EPSTI1: variants seen among roughly 807,000 people sequenced by gnomAD.
EPSTI1 encodes the protein epithelial stromal interaction 1.
Under a neutral mutation model 49.9 loss-of-function variants are expected in EPSTI1, and 66 were observed. The ratio of observed to expected loss-of-function variants is 1.32; its 90% confidence interval spans 1.08 to 1.62. EPSTI1 has a LOEUF of 1.62. Among genes scored for constraint, EPSTI1 ranks in the 40% most tolerant of loss-of-function variants. The pLI is 0.00. For missense variants in EPSTI1, 394 were observed against 365.5 expected (o/e 1.08, Z -0.64); for synonymous variants, 137 against 130.7 (o/e 1.05, Z -0.33).
chr13:42,969,102 C>G lies in EPSTI1; in HGVS notation c.323G>C (p.Arg108Thr). ...CGGCTGTGCTTGCTTACCTAGCCGTCTGGGCACCAGGTGAACCGGTTTAGC... is the reference window on the plus strand; with the variant it reads ...CGGCTGTGCTTGCTTACCTAGCCGTGTGGGCACCAGGTGAACCGGTTTAGC... ...NRAKPVHLVP[R>T]RLGGSQSETE... The change falls in exon 3 of 11, where the codon AGA (arginine) becomes ACA (threonine). Residue 108 changes from arginine to threonine, a missense_variant. By Grantham distance (71) the Arg-to-Thr change is moderately conservative (BLOSUM62 -1). Transcript: ENST00000313624. 1 of 1,614,176 alleles carries G rather than the reference C, an allele frequency of 6.2e-7. No homozygotes were observed. Among genetic ancestry groups the G allele is most frequent in the Non-Finnish European group, 8.5e-7 (1 of 1,180,046 alleles).
Position 42,887,681 on chromosome 13 carries a change from C to T in EPSTI1, c.*813G>A, listed in dbSNP as rs961856258. 3.3e-5 allele frequency: 5 copies of T among 152,196 alleles called. No individual in the cohort carries two copies. Among genetic ancestry groups the T allele is most frequent in the African/African-American group, 1.2e-4 (5 of 41,426 alleles). The allele number at this position is 152,196 out of a possible 1,614,324, so 9.4% of individuals were successfully genotyped here. On this transcript the variant is annotated 3_prime_UTR_variant, in exon 11 of 11. Coordinates refer to ENST00000313624, the MANE Select transcript of EPSTI1 (RefSeq NM_033255.5). ...GAAGTGAATAAGAAAGCCAACTGAA[C>T]TAGCAATAGGAAATAGGTTACACAG...
At chr13:42,926,225 CT>C in intron 7 of EPSTI1, 110 bp downstream of exon 7, 1 of 748,492 alleles carries the variant, frequency 1.3e-6, no homozygotes, top group African/African-American at 1.7e-5. Context: ...GGTCATCTGT[CT>C]TTAGTTCCAG....
At chr13:42,899,364 GA>G (rs1178272457) in intron 9 of EPSTI1, among the ~76,000 whole-genome samples, 7 of 152,090 alleles carry the variant, frequency 4.6e-5, no homozygotes, top group Admixed American at 2.6e-4. Context: ...TTAAATAAGA[GA>G]AAAAACATAT....
At chr13:42,971,360 G>A (rs1053667522) in intron 1 of EPSTI1, among the ~76,000 whole-genome samples, 1 of 152,208 alleles carries the variant, frequency 6.6e-6, no homozygotes. Context: ...CCCTGGCACA[G>A]TGTCTGGCAC....
intron 1 of EPSTI1, among the ~76,000 whole-genome samples, chr13:42,982,624 C>A (rs2040005516): frequency 6.6e-6 from 1 of 152,182 alleles, no homozygotes; most frequent in African/African-American, 2.4e-5. Context: ...AAGGGAATCC[C>A]CAGAGAAACT....
intron 7 of EPSTI1, among the ~76,000 whole-genome samples, chr13:42,924,421 G>A (rs1015816839): frequency 6.6e-6 from 1 of 152,132 alleles, no homozygotes; most frequent in African/African-American, 2.4e-5. Flanking sequence ...AATTCAGGAC[G>A]ATCTTGTTAA....
In EPSTI1 at chr13:42,966,832, A is replaced by T. The variant is rs1025561958; in HGVS notation, c.331+2262T>A. On this transcript the variant is annotated intron_variant, in intron 3 of 10. Transcript: ENST00000313624. ...GATGACAATGGCGGCTTTGTGGAAT[A>T]GAAAGGCGGGAAAGGTGGGGAAAAG... Among the ~76,000 whole-genome samples, 44 of 79,390 alleles carry T rather than the reference A, an allele frequency of 5.5e-4. 13 individuals are homozygous for T. The highest frequency in any genetic ancestry group is 1.1e-3 in the Non-Finnish European group (39 of 35,748). 52.1% of individuals were successfully genotyped at this position (79,390 alleles called of 152,430 possible).
At chr13:42,957,475 A>G (rs1427799902) in intron 5 of EPSTI1, among the ~76,000 whole-genome samples, 2 of 152,252 alleles carry the variant, frequency 1.3e-5, no homozygotes, top group Non-Finnish European at 2.9e-5. Context: ...GTAAGCATCA[A>G]TAGTGGAAAA....
chr13:42,889,747 T>C (rs1171890406), intron 10 of EPSTI1, among the ~76,000 whole-genome samples: 1 of 152,236 alleles, frequency 6.6e-6, no homozygotes, highest in Non-Finnish European at 1.5e-5. Flanking sequence ...TACTTTTGTA[T>C]GATATTCTTT....
At position 42,922,451 on chromosome 13, in the gene EPSTI1, A is replaced by G. The variant is rs1159081844; in HGVS notation, c.657+3885T>C. 6.6e-6 allele frequency among the ~76,000 whole-genome samples: 1 copy of G among 152,172 alleles called. No homozygotes were observed. The highest frequency in any genetic ancestry group is 1.5e-5 in the Non-Finnish European group (1 of 68,022). On this transcript the variant is annotated intron_variant, in intron 7 of 10. Transcript: ENST00000313624. This position sits in a 1 kb window ranked among gnomAD's most constrained non-coding sequence, Gnocchi z 4.8. ...TTGGGTGAGATGGAAGCTAAACTGG[A>G]GCCATGCAGCCGTGTGCCAAGGGTT...
chr13:42,962,447 A>C (rs2039479294), intron 5 of EPSTI1, among the ~76,000 whole-genome samples: 1 of 152,070 alleles, frequency 6.6e-6, no homozygotes, highest in Non-Finnish European at 1.5e-5. Flanking sequence ...CATATTAGGA[A>C]AGGGAAAAAC....
At chr13:42,935,633 C>T (rs111228339) in intron 6 of EPSTI1, among the ~76,000 whole-genome samples, 34 of 152,054 alleles carry the variant, frequency 2.2e-4, no homozygotes, top group African/African-American at 8.2e-4. Context: ...CTCTTGTTGC[C>T]CAGGCTGGAG....
chr13:42,974,161 C>A (rs1290104078), intron 1 of EPSTI1, among the ~76,000 whole-genome samples: 1 of 151,054 alleles, frequency 6.6e-6, no homozygotes, highest in Admixed American at 6.6e-5. Context: ...CATGGTAAAA[C>A]CCTGTCTCTA....
At position 42,947,434 on chromosome 13, in the gene EPSTI1, C is replaced by T. The variant is rs993250464; in HGVS notation, c.563+6514G>A. Among the ~76,000 whole-genome samples, 4 of 152,178 alleles carry T rather than the reference C, an allele frequency of 2.6e-5. No homozygotes were observed. In the East Asian group the frequency reaches 7.7e-4, roughly 29 times the overall value. On this transcript the variant is annotated intron_variant, in intron 6 of 10. Transcript: ENST00000313624. ...TCTAGCATGGAGCCTTCTTCTCCTC[C>T]TTCTCAGGTCTTCCACCCCAAGTCC...
intron 7 of EPSTI1, 34 bp from the exon 8 acceptor site, chr13:42,917,658 A>AAAAAAAAAAAAAC: frequency 2.1e-6 from 3 of 1,401,382 alleles, no homozygotes; most frequent in African/African-American, 1.4e-5. Context: ...AAAAAAAAAA[A>AAAAAAAAAAAAAC]ACAACTTGAT....
chr13:42,899,360 A>G (rs1398936300), intron 9 of EPSTI1, among the ~76,000 whole-genome samples: 3 of 152,162 alleles, frequency 2.0e-5, no homozygotes, highest in African/African-American at 7.2e-5. Context: ...TTCCTTAAAT[A>G]AGAGAAAAAA....
intron 10 of EPSTI1, among the ~76,000 whole-genome samples, chr13:42,891,649 A>G (rs2037038014): frequency 6.6e-6 from 1 of 152,180 alleles, no homozygotes; most frequent in African/African-American, 2.4e-5. Flanking sequence ...TAAATTCAGT[A>G]TCTAATCATT....
intron 6 of EPSTI1, among the ~76,000 whole-genome samples, chr13:42,944,840 T>C (rs1449502163): frequency 2.0e-5 from 3 of 152,164 alleles, no homozygotes; most frequent in East Asian, 1.9e-4. Flanking sequence ...GAAAAATACA[T>C]GGACCTTGTA....
intron 6 of EPSTI1, among the ~76,000 whole-genome samples, chr13:42,944,472 G>A (rs561989697): frequency 5.9e-4 from 89 of 151,972 alleles, no homozygotes; most frequent in South Asian, 2.9e-3. Context: ...TGAACAACGA[G>A]AACACATGGA....
Sources: allele counts gnomAD v4.1 joint callset (sites outside exome capture counted in the v4.1 genomes callset), GRCh38; gene constraint gnomAD v4.1.1; non-coding constraint Gnocchi (gnomAD v3.1); transcripts MANE v1.5; gene names NCBI Gene and HGNC (gene_info 2026-07-23, HGNC 2026-07-21).